The following PCDHGB5 variants were observed in gnomAD, a reference collection of about 807,000 sequenced individuals.
PCDHGB5 encodes the protein protocadherin gamma subfamily B, 5.
PCDHGB5 carries 48 observed loss-of-function variants against 62.9 expected under a neutral mutation model. That is an observed-to-expected ratio of 0.76 (90% CI 0.61 to 0.97). The LOEUF is 0.97. Among genes scored for constraint, PCDHGB5 ranks in the 50% least tolerant of loss-of-function variants. PCDHGB5 has a pLI of 0.00. For missense variants in PCDHGB5, 1,118 were observed against 1,198.6 expected, an observed-to-expected ratio of 0.93 and a Z score of 0.99; for synonymous variants, 474 against 511.2, an observed-to-expected ratio of 0.93 and a Z score of 0.98.
chr5:141,500,184 T>TTTTA (rs58019021), intron 2 of PCDHGB5, among the ~76,000 whole-genome samples: 28,743 of 135,782 alleles, frequency 0.21, 3,285 homozygotes, highest in African/African-American at 0.3. Context: ...TCATTTTTAT[T>TTTTA]TTTATTTATT....
intron 1 of PCDHGB5, among the ~76,000 whole-genome samples, chr5:141,468,064 C>T (rs1026571562): frequency 3.3e-5 from 5 of 152,076 alleles, no homozygotes; most frequent in Non-Finnish European, 7.4e-5. Flanking sequence ...GTGGCTCACA[C>T]CTGTAATCCC....
At chr5:141,450,742 C>A (rs2098692216) in intron 1 of PCDHGB5, among the ~76,000 whole-genome samples, 1 of 152,118 alleles carries the variant, frequency 6.6e-6, no homozygotes, top group South Asian at 2.1e-4. Context: ...CCGCCTTGGC[C>A]TCCCAAAGTG....
intron 1 of PCDHGB5, chr5:141,422,218 A>T: frequency 1.3e-6 from 2 of 1,564,130 alleles, no homozygotes; most frequent in Non-Finnish European, 8.6e-7. Flanking sequence ...TCTCTTTACC[A>T]CCACGACGAT....
chr5:141,408,965 C>T lies in PCDHGB5; in HGVS notation c.2397+8441C>T, dbSNP rs767484272. The T allele has an allele frequency of 1.5e-5, 25 of 1,613,688 alleles. No homozygotes were observed. The Admixed American group carries it at 4.2e-4, about 27-fold the overall frequency. On this transcript the variant is annotated intron_variant, in intron 1 of 3. Transcript: ENST00000617380. ...ATATAGAATTAGTCTTAGTGAAAATCTGCCCCCTGGGTCCCCTGTGTTGCA... is the reference window on the plus strand; with the variant it reads ...ATATAGAATTAGTCTTAGTGAAAATTTGCCCCCTGGGTCCCCTGTGTTGCA...
chr5:141,491,908 G>A lies in PCDHGB5; in HGVS notation c.2398-2899G>A. ...GGGGCTCCGAGCACCGGGGGTGGTG[G>A]CGACTGTGGGCGAGGGGAGGTGGGA... On this transcript the variant is annotated intron_variant, in intron 1 of 3. Transcript: ENST00000617380. The surrounding 1 kb of genome is among the most constrained non-coding windows in gnomAD (Gnocchi z 6.9). The A allele has an allele frequency of 7.1e-7, 1 of 1,408,288 alleles. No individual in the cohort carries two copies. Among genetic ancestry groups the A allele is most frequent in the East Asian group, 2.5e-5 (1 of 39,276 alleles). The allele number at this position is 1,408,288 out of a possible 1,614,324, so 87.2% of individuals were successfully genotyped here. A position where few individuals can be genotyped will look rare whatever the true frequency, so the allele number is the denominator to read the frequency against.
At chr5:141,509,319 G>A (rs1427191152) in intron 3 of PCDHGB5, among the ~76,000 whole-genome samples, 3 of 152,216 alleles carry the variant, frequency 2.0e-5, no homozygotes, top group African/African-American at 4.8e-5. Context: ...TGGGAGAGAA[G>A]CTCTACTGCC....
chr5:141,424,195 A>C (rs2096804945), intron 1 of PCDHGB5: 1 of 183,680 alleles, frequency 5.4e-6, no homozygotes, highest in Non-Finnish European at 1.1e-5. Context: ...ACACACTTAT[A>C]CACGTAAGCT....
chr5:141,479,767 C>G (rs2099505975), intron 1 of PCDHGB5: 1 of 152,174 alleles, frequency 6.6e-6, no homozygotes, highest in African/African-American at 2.4e-5. Flanking sequence ...AAATTCATAT[C>G]CTTAGACAGG....
At position 141,477,862 on chromosome 5, in the gene PCDHGB5, A is replaced by AGGT. The variant is rs753168325; in HGVS notation, c.2398-16944_2398-16942dup. 2.1e-5 allele frequency: 34 copies of AGGT among 1,613,138 alleles called. No individual in the cohort carries two copies. Among genetic ancestry groups the AGGT allele is most frequent in the Non-Finnish European group, 2.5e-5 (29 of 1,179,720 alleles). ...GGAGCTCGGTGGAGATGCTGCCTCG[A>AGGT]GGTACCTCAGCTGGCCACCTAGTGT... is the stretch of plus-strand genomic sequence containing the variant. On this transcript the variant is annotated intron_variant, in intron 1 of 3. Transcript: ENST00000617380. The surrounding 1 kb of genome is among the most constrained non-coding windows in gnomAD (Gnocchi z 4.9).
At chr5:141,510,353 C>T (rs74759939) in intron 3 of PCDHGB5, among the ~76,000 whole-genome samples, 2 of 146,504 alleles carry the variant, frequency 1.4e-5, no homozygotes, top group African/African-American at 5.0e-5. Context: ...CACTTACTAA[C>T]GGAACTACCG....
chr5:141,411,184 G>A (rs1478666914), intron 1 of PCDHGB5: 1 of 152,108 alleles, frequency 6.6e-6, no homozygotes, highest in Admixed American at 6.6e-5. Context: ...AGTGGTCTTG[G>A]CATCTAAGAA....
intron 1 of PCDHGB5, chr5:141,404,461 C>T: frequency 1.2e-6 from 2 of 1,613,208 alleles, no homozygotes; most frequent in Non-Finnish European, 1.7e-6. Flanking sequence ...CTCTCTCCAC[C>T]TATGTCTCTA....
chr5:141,497,495 T>C (rs193075970), intron 2 of PCDHGB5, among the ~76,000 whole-genome samples: 28 of 151,186 alleles, frequency 1.9e-4, no homozygotes, highest in Admixed American at 1.7e-3. Context: ...TCTCTCTCTC[T>C]CCTCTCTCTG....
chr5:141,423,225 C>G (rs763729316), intron 1 of PCDHGB5: 3 of 1,613,686 alleles, frequency 1.9e-6, no homozygotes, highest in Admixed American at 1.7e-5. Context: ...TGGCTGTGGC[C>G]GACAGCATCC....
chr5:141,404,513 G>C, intron 1 of PCDHGB5: 2 of 1,613,786 alleles, frequency 1.2e-6, no homozygotes, highest in Non-Finnish European at 8.5e-7. Context: ...GTGCTCCTTT[G>C]ACTATGAGCA....
At position 141,477,107 on chromosome 5, in the gene PCDHGB5, C is replaced by A. The variant is rs1431445150; in HGVS notation, c.2398-17700C>A. ...CCAGGCCAAAGACAAGGGCGCCAAT[C>A]CCGAAGGAGCACATTGCAAAGTGTT... On this transcript the variant is annotated intron_variant, in intron 1 of 3. Coordinates refer to ENST00000617380, the MANE Select transcript of PCDHGB5 (RefSeq NM_018925.3). This position sits in a 1 kb window ranked among gnomAD's most constrained non-coding sequence, Gnocchi z 4.9. 1 of 1,614,252 alleles carries A rather than the reference C, an allele frequency of 6.2e-7. No homozygotes were observed. The highest frequency in any genetic ancestry group is 8.5e-7 in the Non-Finnish European group (1 of 1,180,048).
intron 1 of PCDHGB5, among the ~76,000 whole-genome samples, chr5:141,436,410 G>T (rs2154557099): frequency 6.6e-6 from 1 of 152,200 alleles, no homozygotes; most frequent in East Asian, 1.9e-4. Flanking sequence ...TTGAATGAAT[G>T]GATAAACAAA....
At chr5:141,507,833 G>C (rs1184502436) in intron 3 of PCDHGB5, among the ~76,000 whole-genome samples, 2 of 152,172 alleles carry the variant, frequency 1.3e-5, no homozygotes, top group East Asian at 3.9e-4. Flanking sequence ...GGAGGTGGTG[G>C]GTCAGGCCCT....
chr5:141,477,268 C>T lies in PCDHGB5; in HGVS notation c.2398-17539C>T. ...TGACTGACCTGGATGCTGGCGAGAA[C>T]GGGCTGGTGACCTGCGAAGTTCCAC... On this transcript the variant is annotated intron_variant, in intron 1 of 3. Transcript: ENST00000617380. The surrounding 1 kb of genome is among the most constrained non-coding windows in gnomAD (Gnocchi z 4.9). The T allele has an allele frequency of 6.2e-7, 1 of 1,614,196 alleles. No individual in the cohort carries two copies. The highest frequency in any genetic ancestry group is 8.5e-7 in the Non-Finnish European group (1 of 1,180,030).
Sources: allele counts gnomAD v4.1 joint callset (sites outside exome capture counted in the v4.1 genomes callset), GRCh38; gene constraint gnomAD v4.1.1; non-coding constraint Gnocchi (gnomAD v3.1); transcripts MANE v1.5; gene names NCBI Gene and HGNC (gene_info 2026-07-23, HGNC 2026-07-21).